TBC1D22B: variants seen among roughly 807,000 people sequenced by gnomAD.
TBC1D22B encodes TBC1 domain family member 22B, also known as chromosome 6 open reading frame 197.
Under a neutral mutation model 69.1 loss-of-function variants are expected in TBC1D22B, and 32 were observed. The ratio of observed to expected loss-of-function variants is 0.46; its 90% CI spans 0.35 to 0.62. The LOEUF is 0.62. Among genes scored for constraint, TBC1D22B ranks in the 20% least tolerant of loss-of-function variants. The pLI, the probability that TBC1D22B is intolerant of heterozygous loss-of-function variation, is 0.00. For missense variants in TBC1D22B, 462 were observed against 630.9 expected (o/e 0.73, Z 2.87); for synonymous variants, 206 against 229.8 (o/e 0.90, Z 0.94).
intron 8 of TBC1D22B, among the ~76,000 whole-genome samples, chr6:37,305,223 A>T (rs1156513015): frequency 6.6e-6 from 1 of 152,184 alleles, no homozygotes; most frequent in African/African-American, 2.4e-5. Flanking sequence ...CTGTCTGGCT[A>T]GGCCAAAGAT....
At chr6:37,264,948 G>A (rs1304139783) in intron 1 of TBC1D22B, among the ~76,000 whole-genome samples, 1 of 152,204 alleles carries the variant, frequency 6.6e-6, no homozygotes, top group Non-Finnish European at 1.5e-5. Flanking sequence ...AATTATAAAT[G>A]TCAGGAAATT....
intron 12 of TBC1D22B, among the ~76,000 whole-genome samples, chr6:37,326,540 G>A (rs1245300202): frequency 3.3e-5 from 5 of 151,742 alleles, no homozygotes; most frequent in African/African-American, 4.8e-5. Context: ...TGTAATCCCA[G>A]CACTTTGGGA....
chr6:37,328,812 C>T (rs529210428), intron 12 of TBC1D22B, among the ~76,000 whole-genome samples: 2 of 152,104 alleles, frequency 1.3e-5, no homozygotes, highest in African/African-American at 2.4e-5. Flanking sequence ...CTGCAACCTC[C>T]GCCTCCCAGA....
chr6:37,327,835 C>T (rs1361699272), intron 12 of TBC1D22B, among the ~76,000 whole-genome samples: 1 of 152,006 alleles, frequency 6.6e-6, no homozygotes, highest in African/African-American at 2.4e-5. Context: ...GTGCACTCCT[C>T]CGGGGGTTCA....
intron 8 of TBC1D22B, among the ~76,000 whole-genome samples, chr6:37,309,799 A>G (rs1767846951): frequency 6.6e-6 from 1 of 152,082 alleles, no homozygotes. Flanking sequence ...ATAAAGTGTG[A>G]TGGAGGCGCA....
chr6:37,267,369 TATAC>T (rs1766320606), intron 1 of TBC1D22B, among the ~76,000 whole-genome samples: 3 of 84,068 alleles, frequency 3.6e-5, no homozygotes, highest in East Asian at 3.3e-4. Context: ...ATATAATATA[TATAC>T]ACACATATAT....
At chr6:37,260,578 C>G (rs1264492997) in intron 1 of TBC1D22B, among the ~76,000 whole-genome samples, 1 of 152,140 alleles carries the variant, frequency 6.6e-6, no homozygotes, top group Non-Finnish European at 1.5e-5. Context: ...GTGCAACCAT[C>G]ACCACTAATT....
Position 37,313,919 on chromosome 6 carries a change from A to G in TBC1D22B, c.1165+28A>G, listed in dbSNP as rs766178159. ...AGGTTCAGAGGGAGAAGAGTTCTCTAGCAATAGCAGAGTTGATTCTGTTAT... is the reference window on the plus strand; with the variant it reads ...AGGTTCAGAGGGAGAAGAGTTCTCTGGCAATAGCAGAGTTGATTCTGTTAT... On this transcript the variant is annotated intron_variant, in intron 10 of 12. Transcript: ENST00000373491. 5 of 1,601,422 alleles carry G rather than the reference A, an allele frequency of 3.1e-6. No homozygotes were observed. In the South Asian group the frequency reaches 4.4e-5, roughly 14 times the overall value.
chr6:37,270,348 G>A (rs1042053211), intron 2 of TBC1D22B, among the ~76,000 whole-genome samples: 3 of 152,144 alleles, frequency 2.0e-5, no homozygotes, highest in African/African-American at 7.2e-5. Context: ...CTACTTGGGA[G>A]GCTGAGGCAT....
intron 2 of TBC1D22B, among the ~76,000 whole-genome samples, chr6:37,272,636 C>T (rs2113725555): frequency 1.3e-5 from 2 of 152,340 alleles, no homozygotes; most frequent in Middle Eastern, 3.4e-3. Context: ...GATCAGCCTG[C>T]CTTGGCCTCC....
intron 12 of TBC1D22B, chr6:37,324,215 G>A (rs759271770): frequency 4.5e-6 from 2 of 442,570 alleles, no homozygotes; most frequent in South Asian, 3.2e-5. Context: ...CATATTTAAT[G>A]TTCTTTTGTT....
intron 7 of TBC1D22B, among the ~76,000 whole-genome samples, chr6:37,289,153 C>G (rs527828598): frequency 2.6e-5 from 4 of 152,294 alleles, no homozygotes; most frequent in Admixed American, 2.6e-4. Flanking sequence ...CTGCTTCTGC[C>G]TCTCAAAATG....
rs1297618919 is a variant in TBC1D22B at position 37,284,329 on chromosome 6, T to G, written c.673-7T>G. 1 of 1,614,170 alleles carries G rather than the reference T, an allele frequency of 6.2e-7. No homozygotes were observed. The highest frequency in any genetic ancestry group is 8.5e-7 in the Non-Finnish European group (1 of 1,180,008). ...TTTCCCCATCTGACCAGCAGTCTTG[T>G]CTATAGGGCTATCTCCCAGCAAACA... On this transcript the variant is annotated splice_polypyrimidine_tract_variant and splice_region_variant and intron_variant, in intron 5 of 12. Coordinates refer to ENST00000373491, the MANE Select transcript of TBC1D22B (RefSeq NM_017772.4).
At chr6:37,264,503 G>A (rs1766210335) in intron 1 of TBC1D22B, among the ~76,000 whole-genome samples, 1 of 152,090 alleles carries the variant, frequency 6.6e-6, no homozygotes, top group Non-Finnish European at 1.5e-5. Flanking sequence ...TAGAGATGGG[G>A]TTTTGCTGTG....
At chr6:37,326,139 T>C (rs1033141183) in intron 12 of TBC1D22B, among the ~76,000 whole-genome samples, 2 of 152,000 alleles carry the variant, frequency 1.3e-5, no homozygotes, top group Non-Finnish European at 2.9e-5. Context: ...CCCAACACTT[T>C]GGGAGGCTGA....
chr6:37,291,390 A>G (rs748330175), intron 8 of TBC1D22B, 33 bp downstream of exon 8: 2 of 1,439,244 alleles, frequency 1.4e-6, no homozygotes, highest in Non-Finnish European at 1.9e-6. Flanking sequence ...TGAACAAGCT[A>G]TTGCTCTTTC....
At position 37,295,826 on chromosome 6, in the gene TBC1D22B, C is replaced by G. The variant is rs907552438; in HGVS notation, c.982+4469C>G. Reference sequence around the variant, plus strand: ...GTCTTACATGGTGGCAGGCAAGAGACTAACTTCAATTTTGGAAGAAGTTCT... The same window carrying G: ...GTCTTACATGGTGGCAGGCAAGAGAGTAACTTCAATTTTGGAAGAAGTTCT... On this transcript the variant is annotated intron_variant, in intron 8 of 12. Coordinates refer to ENST00000373491, the MANE Select transcript of TBC1D22B (RefSeq NM_017772.4). 2.3e-5 allele frequency: 4 copies of G among 175,180 alleles called. No homozygotes were observed. The South Asian group carries it at 3.6e-4, about 16-fold the overall frequency. 10.9% of individuals were successfully genotyped at this position (175,180 alleles called of 1,614,324 possible).
chr6:37,279,002 T>G (rs1766746247), intron 2 of TBC1D22B, among the ~76,000 whole-genome samples: 2 of 152,030 alleles, frequency 1.3e-5, no homozygotes, highest in South Asian at 4.1e-4. Flanking sequence ...TCGCCTCATT[T>G]CTCCTCAGTC....
chr6:37,270,732 G>T (rs555142813), intron 2 of TBC1D22B, among the ~76,000 whole-genome samples: 101 of 152,238 alleles, frequency 6.6e-4, no homozygotes, highest in Non-Finnish European at 1.3e-3. Context: ...CTAGTTTCTG[G>T]CAAAGTTGTT....
Sources: gnomAD v4.1 joint callset for allele counts (sites outside exome capture counted in the v4.1 genomes callset) on GRCh38, gnomAD v4.1.1 for gene constraint, MANE v1.5 for transcripts, NCBI Gene and HGNC (gene_info 2026-07-23, HGNC 2026-07-21) for gene names.